Variants in SRD5A2 observed in about 807,000 individuals in gnomAD.
SRD5A2 encodes 3-oxo-5-alpha-steroid 4-dehydrogenase 2.
A neutral mutation model predicts 27.4 loss-of-function variants in SRD5A2; 30 were observed. The ratio of observed to expected loss-of-function variants is 1.10; its 90% CI spans 0.82 to 1.49. The LOEUF is 1.49. SRD5A2 is among the 40% of genes most tolerant of loss of function. The probability of loss-of-function intolerance (pLI) is 0.00; values close to 1 mark genes in which losing one functional copy is unlikely to be tolerated. For missense variants in SRD5A2, 348 were observed against 323.4 expected (o/e 1.08, Z -0.58); for synonymous variants, 141 against 133.6 (o/e 1.06, Z -0.38).
chr2:31,659,396 C>T, the SRD5A2 span, among the ~76,000 whole-genome samples: 2 of 152,088 alleles, frequency 1.3e-5, no homozygotes, highest in African/African-American at 4.8e-5. Context: ...CAAACTATTC[C>T]TATTTGCATG....
intron 1 of SRD5A2, among the ~76,000 whole-genome samples, chr2:31,578,701 T>A (rs1228665201): frequency 6.6e-6 from 1 of 152,186 alleles, no homozygotes; most frequent in African/African-American, 2.4e-5. Flanking sequence ...AGAATGAATC[T>A]CCAAGTCCTT....
chr2:31,626,839 C>T, the SRD5A2 span, among the ~76,000 whole-genome samples: 10,609 of 152,112 alleles, frequency 0.07, 487 homozygotes, highest in Non-Finnish European at 0.098. Context: ...CGTGTTTCTG[C>T]TAGGCTTTGG....
chr2:31,547,882 G>A (rs28836273), intron 1 of SRD5A2, among the ~76,000 whole-genome samples: 1 of 148,930 alleles, frequency 6.7e-6, no homozygotes, highest in Admixed American at 6.7e-5. Context: ...TAGATAGATA[G>A]ATATAGATAT....
At chr2:31,627,033 A>C in the SRD5A2 span, among the ~76,000 whole-genome samples, 6 of 152,262 alleles carry the variant, frequency 3.9e-5, no homozygotes, top group African/African-American at 1.2e-4. Context: ...CCTCAATTTC[A>C]GAACCTGTTA....
intron 1 of SRD5A2, among the ~76,000 whole-genome samples, chr2:31,537,899 T>C (rs1482307618): frequency 6.6e-6 from 1 of 152,162 alleles, no homozygotes; most frequent in East Asian, 1.9e-4. Flanking sequence ...TCTGCCTTCC[T>C]CCACGTGAGA....
chr2:31,614,739 C>T, the SRD5A2 span, among the ~76,000 whole-genome samples: 11 of 152,184 alleles, frequency 7.2e-5, no homozygotes, highest in Admixed American at 4.6e-4. Flanking sequence ...GAAATCTAGG[C>T]GGAAGTTCCA....
rs1665685356 is a variant in SRD5A2, at chr2:31,522,850, G to T, written c.*3346C>A. ...ATTAGAGAACCAAAAGGCCAAGCGG[G>T]AAAAGAAATGAATCTTCATGAGCCT... is the stretch of plus-strand genomic sequence containing the variant. On this transcript the variant is annotated 3_prime_UTR_variant, in exon 5 of 5. Coordinates refer to ENST00000622030, the MANE Select transcript of SRD5A2 (RefSeq NM_000348.4). 4.5e-6 allele frequency: 1 copy of T among 222,992 alleles called. No homozygotes were observed. Among genetic ancestry groups the T allele is most frequent in the Non-Finnish European group, 9.0e-6 (1 of 111,640 alleles). 13.8% of individuals were successfully genotyped at this position (222,992 alleles called of 1,614,324 possible). A position where few individuals can be genotyped will look rare whatever the true frequency, so the allele number is the denominator to read the frequency against.
In SRD5A2 at chr2:31,525,354, CA is replaced by C; in HGVS notation, c.*841del. 1 of 226,404 alleles carries C rather than the reference CA, an allele frequency of 4.4e-6. No individual in the cohort carries two copies. Among genetic ancestry groups the C allele is most frequent in the Admixed American group, 5.7e-5 (1 of 17,548 alleles). 14.0% of individuals were successfully genotyped at this position (226,404 alleles called of 1,614,324 possible). A position where few individuals can be genotyped will look rare whatever the true frequency, so the allele number is the denominator to read the frequency against. On this transcript the variant is annotated 3_prime_UTR_variant, in exon 5 of 5. Transcript: ENST00000622030. ...TTATTTGGATATTGCCACTAGTTTCCAAAAACATGAGAGTTTGCAATGTCTA... is the reference window on the plus strand; with the variant it reads ...TTATTTGGATATTGCCACTAGTTTCCAAAACATGAGAGTTTGCAATGTCTA...
intron 1 of SRD5A2, among the ~76,000 whole-genome samples, chr2:31,552,767 T>C (rs1047658062): frequency 1.8e-4 from 28 of 152,308 alleles, no homozygotes; most frequent in African/African-American, 6.0e-4. Flanking sequence ...GCTGGGCTAA[T>C]TGATGAAGGT....
chr2:31,611,638 C>T, the SRD5A2 span, among the ~76,000 whole-genome samples: 2 of 152,082 alleles, frequency 1.3e-5, no homozygotes, highest in African/African-American at 4.8e-5. Flanking sequence ...TAATTTCACA[C>T]CTACTAGCAG....
At chr2:31,634,086 A>T in the SRD5A2 span, among the ~76,000 whole-genome samples, 1 of 152,174 alleles carries the variant, frequency 6.6e-6, no homozygotes, top group Non-Finnish European at 1.5e-5. Flanking sequence ...CAAGCCAGCA[A>T]CAGCAACCCC....
At chr2:31,534,623 C>T (rs1665987282) in intron 1 of SRD5A2, among the ~76,000 whole-genome samples, 1 of 152,228 alleles carries the variant, frequency 6.6e-6, no homozygotes, top group South Asian at 2.1e-4. Context: ...TGCATGCACA[C>T]ACACATGTAC....
At chr2:31,549,746 A>C (rs946593649) in intron 1 of SRD5A2, among the ~76,000 whole-genome samples, 1 of 152,202 alleles carries the variant, frequency 6.6e-6, no homozygotes, top group African/African-American at 2.4e-5. Context: ...ATGAAGCAAA[A>C]CCAGAAGGAA....
Position 31,522,893 on chromosome 2 carries a change from G to C in SRD5A2, c.*3303C>G, listed in dbSNP as rs1039685404. On this transcript the variant is annotated 3_prime_UTR_variant, in exon 5 of 5. Coordinates refer to ENST00000622030, the MANE Select transcript of SRD5A2 (RefSeq NM_000348.4). The stretch of plus-strand genomic sequence containing the variant: ...ATGAGCCTATTCCTTCATGTGCCAA[G>C]AGCTTGCTCCCCTGCTTCTTAGTGA... 4.5e-6 allele frequency: 1 copy of C among 223,702 alleles called. No individual in the cohort carries two copies. Among genetic ancestry groups the C allele is most frequent in the African/African-American group, 2.2e-5 (1 of 44,770 alleles). The allele number at this position is 223,702 out of a possible 1,614,324, so 13.9% of individuals were successfully genotyped here.
the SRD5A2 span, among the ~76,000 whole-genome samples, chr2:31,608,574 G>C: frequency 6.6e-6 from 1 of 151,538 alleles, no homozygotes; most frequent in Non-Finnish European, 1.5e-5. Context: ...ATTCAATAAG[G>C]TTACAAAATA....
chr2:31,573,436 CT>C (rs1666892282), intron 1 of SRD5A2, among the ~76,000 whole-genome samples: 1 of 152,194 alleles, frequency 6.6e-6, no homozygotes, highest in Non-Finnish European at 1.5e-5. Context: ...TTTAAAACAA[CT>C]TGAGTCCAGA....
At chr2:31,577,439 A>T (rs1034181703) in intron 1 of SRD5A2, among the ~76,000 whole-genome samples, 1 of 152,198 alleles carries the variant, frequency 6.6e-6, no homozygotes, top group African/African-American at 2.4e-5. Context: ...AATTCTAGTG[A>T]GTACCAACTA....
chr2:31,584,620 T>C (rs543543938), upstream of SRD5A2, among the ~76,000 whole-genome samples: 8 of 152,268 alleles, frequency 5.3e-5, no homozygotes, highest in East Asian at 1.5e-3. Context: ...AGCTTGATAA[T>C]TCACTAAAAA....
the SRD5A2 span, among the ~76,000 whole-genome samples, chr2:31,589,102 AACCTGAAAATCCAGATCACAGGAGAAGG>A: frequency 6.6e-6 from 1 of 152,178 alleles, no homozygotes; most frequent in South Asian, 2.1e-4. Context: ...CCCACTGGGG[AACCTGAAAATCCAGATCACAGGAGAAGG>A]ATTTAACCTT....
Sources: allele counts gnomAD v4.1 joint callset (sites outside exome capture counted in the v4.1 genomes callset), GRCh38; gene constraint gnomAD v4.1.1; transcripts MANE v1.5; gene names NCBI Gene and HGNC (gene_info 2026-07-23, HGNC 2026-07-21).